Variants in NBDY observed in about 807,000 individuals in gnomAD.
The protein encoded by NBDY is P-body dissociating protein.
intron 2 of NBDY, among the ~76,000 whole-genome samples, chrX:56,763,651 G>A (rs1381797602): frequency 3.6e-5 from 4 of 111,948 alleles, no homozygotes; most frequent in East Asian, 2.8e-4. Context: ...CTTTCTGCAC[G>A]GGCAAGAGCC....
chrX:56,754,558 A>G (rs1317472503), intron 2 of NBDY, among the ~76,000 whole-genome samples: 3 of 112,484 alleles, frequency 2.7e-5, no homozygotes, highest in Admixed American at 1.9e-4. Flanking sequence ...CTAAAAATCA[A>G]TAACAGAGGA....
intron 2 of NBDY, among the ~76,000 whole-genome samples, chrX:56,733,870 A>G (rs1212335310): frequency 3.6e-5 from 4 of 112,115 alleles, no homozygotes; most frequent in African/African-American, 1.3e-4. Flanking sequence ...TTTTAGTTCC[A>G]AGTACTTCGG....
At chrX:56,783,295 G>A (rs1174642016) in intron 2 of NBDY, among the ~76,000 whole-genome samples, 1 of 113,039 alleles carries the variant, frequency 8.8e-6, no homozygotes, top group Non-Finnish European at 1.9e-5. Flanking sequence ...TGCCGGGCAT[G>A]AGTCGCCCAA....
intron 1 of NBDY, among the ~76,000 whole-genome samples, chrX:56,730,789 T>C (rs1226794117): frequency 1.8e-5 from 2 of 111,684 alleles, no homozygotes; most frequent in African/African-American, 6.5e-5. Flanking sequence ...ATTTGTATTT[T>C]AAGATTCCTA....
intron 2 of NBDY, among the ~76,000 whole-genome samples, chrX:56,793,068 C>A (rs753089182): frequency 8.9e-6 from 1 of 111,985 alleles, no homozygotes; most frequent in East Asian, 2.8e-4. Context: ...TGAGCAGAGT[C>A]AGACTTGAGT....
At chrX:56,795,922 C>T (rs1429185873) in intron 2 of NBDY, among the ~76,000 whole-genome samples, 1 of 111,663 alleles carries the variant, frequency 9.0e-6, no homozygotes, top group Non-Finnish European at 1.9e-5. Context: ...CTTTTAACCC[C>T]CATTATGTCT....
In NBDY at chrX:56,818,742, A is replaced by C. The variant is rs950688888; in HGVS notation, c.*1589A>C. ...CCCAGAATAGCCAAAACAATCTTGA[A>C]GTATACAAAGTTTGAAGAGTCACAT... On this transcript the variant is annotated 3_prime_UTR_variant, in exon 3 of 3. Transcript: ENST00000374922. 1 of 111,910 alleles carries C rather than the reference A, an allele frequency of 8.9e-6. No individual in the cohort carries two copies. Among genetic ancestry groups the C allele is most frequent in the Non-Finnish European group, 1.9e-5 (1 of 53,188 alleles). 9.2% of individuals were successfully genotyped at this position (111,910 alleles called of 1,213,427 possible). A position where few individuals can be genotyped will look rare whatever the true frequency, so the allele number is the denominator to read the frequency against.
At chrX:56,737,753 T>A (rs946725146) in intron 2 of NBDY, among the ~76,000 whole-genome samples, 8 of 112,033 alleles carry the variant, frequency 7.1e-5, no homozygotes, top group African/African-American at 2.6e-4. Context: ...TATATTTGTG[T>A]TTTTAAAATT....
chrX:56,807,815 C>T (rs1194120639), intron 2 of NBDY, among the ~76,000 whole-genome samples: 2 of 111,990 alleles, frequency 1.8e-5, no homozygotes, highest in Non-Finnish European at 3.8e-5. Context: ...ATTTCTTTCT[C>T]TTGCCTGATT....
chrX:56,809,857 T>G lies in NBDY; in HGVS notation c.*167-7463T>G, dbSNP rs185143806. 1.5e-3 allele frequency among the ~76,000 whole-genome samples: 171 copies of G among 112,387 alleles called. 1 individual carries two copies. In the Middle Eastern group the frequency reaches 0.037, roughly 24 times the overall value. On this transcript the variant is annotated intron_variant, in intron 2 of 2. Transcript: ENST00000374922. ...CAGTTTCTTCATCATGTTGACAGTC[T>G]TTACAATTTAGTATGTTTTTGCAGT... is the stretch of plus-strand genomic sequence containing the variant.
At chrX:56,786,730 T>C (rs1445152854) in intron 2 of NBDY, among the ~76,000 whole-genome samples, 1 of 110,206 alleles carries the variant, frequency 9.1e-6, no homozygotes, top group African/African-American at 3.3e-5. Context: ...CAGCTTTTTT[T>C]CCCCCCTTCA....
chrX:56,735,584 C>G (rs904570455), intron 2 of NBDY, among the ~76,000 whole-genome samples: 4 of 111,775 alleles, frequency 3.6e-5, no homozygotes, highest in Non-Finnish European at 5.6e-5. Context: ...CCTCCACCCA[C>G]CCGGCTCCCT....
intron 2 of NBDY, among the ~76,000 whole-genome samples, chrX:56,788,460 C>T (rs2069743034): frequency 1.8e-5 from 2 of 112,721 alleles, no homozygotes; most frequent in Middle Eastern, 4.6e-3. Context: ...AGGAGCTCCT[C>T]ACTGGCCCTT....
chrX:56,805,248 A>G (rs1160545135), intron 2 of NBDY, among the ~76,000 whole-genome samples: 3 of 112,825 alleles, frequency 2.7e-5, no homozygotes, highest in African/African-American at 9.7e-5. Context: ...ATGCAAGAAG[A>G]AAGGAATGCA....
chrX:56,799,488 C>G (rs1275099263), intron 2 of NBDY, among the ~76,000 whole-genome samples: 1 of 113,346 alleles, frequency 8.8e-6, no homozygotes, highest in Non-Finnish European at 1.9e-5. Flanking sequence ...AGCTTAGCTG[C>G]TTCTTCATGG....
intron 2 of NBDY, among the ~76,000 whole-genome samples, chrX:56,763,756 A>C (rs1166837674): frequency 1.8e-5 from 2 of 112,755 alleles, no homozygotes; most frequent in African/African-American, 3.2e-5. Context: ...GTCCTTGGTC[A>C]CACGGTCCCA....
chrX:56,788,365 G>A (rs1449014083), intron 2 of NBDY, among the ~76,000 whole-genome samples: 2 of 113,268 alleles, frequency 1.8e-5, no homozygotes, highest in African/African-American at 3.2e-5. Context: ...GGAAATGGGA[G>A]GGAGCTGGGC....
chrX:56,796,712 G>C (rs2069793602), intron 2 of NBDY, among the ~76,000 whole-genome samples: 1 of 111,016 alleles, frequency 9.0e-6, no homozygotes, highest in Admixed American at 9.5e-5. Context: ...TAGGCTTGGG[G>C]CTCAGTGGTT....
chrX:56,743,236 C>T (rs1050171443), intron 2 of NBDY, among the ~76,000 whole-genome samples: 2 of 110,610 alleles, frequency 1.8e-5, no homozygotes, highest in Non-Finnish European at 3.8e-5. Flanking sequence ...ATGTTTGCAT[C>T]AATATTTATC....
Sources: gnomAD v4.1 joint callset for allele counts (sites outside exome capture counted in the v4.1 genomes callset) on GRCh38, gnomAD v4.1.1 for gene constraint, MANE v1.5 for transcripts, NCBI Gene and HGNC (gene_info 2026-07-23, HGNC 2026-07-21) for gene names.